GPR158: variants seen among roughly 807,000 people sequenced by gnomAD.
GPR158 encodes metabotropic glycine receptor.
In GPR158, 30 loss-of-function variants were observed where a neutral mutation model predicts 78.2. The observed-to-expected ratio is 0.38, with a 90% CI of 0.29 to 0.52. GPR158 has a LOEUF of 0.52. Ranked by LOEUF, GPR158 falls within the 20% of genes least tolerant of loss-of-function variation. GPR158 has a pLI of 0.83. For synonymous variants in GPR158, 581 were observed against 591.1 expected (o/e 0.98, Z 0.25); for missense variants, 1,463 against 1,523.5 (o/e 0.96, Z 0.66).
intron 2 of GPR158, among the ~76,000 whole-genome samples, 160 bp from the exon 3 acceptor site, chr10:25,395,751 A>T (rs1279638344): frequency 1.3e-5 from 2 of 152,220 alleles, no homozygotes; most frequent in East Asian, 1.9e-4. Context: ...TCTAAAAAAA[A>T]TTGTTGGCAC....
At chr10:25,456,968 A>G (rs1835299370) in intron 4 of GPR158, among the ~76,000 whole-genome samples, 1 of 151,666 alleles carries the variant, frequency 6.6e-6, no homozygotes, top group African/African-American at 2.4e-5. Flanking sequence ...TTTGAAAAAT[A>G]ATGTTAATAG....
At chr10:25,241,275 T>TCTTTCCTTTCTTTC (rs1554787182) in intron 2 of GPR158, among the ~76,000 whole-genome samples, 1 of 91,796 alleles carries the variant, frequency 1.1e-5, no homozygotes, top group Non-Finnish European at 2.2e-5. Flanking sequence ...TTCTTTCCTT[T>TCTTTCCTTTCTTTC]CTTTCTTTCT....
At position 25,598,422 on chromosome 10, in the gene GPR158, G is replaced by A. The variant is rs774614967; in HGVS notation, c.2796G>A (p.Gln932=). 8.1e-6 allele frequency: 13 copies of A among 1,614,074 alleles called. No homozygotes were observed. The South Asian group carries it at 1.4e-4, about 18-fold the overall frequency. The part of the protein sequence containing the change: ...TAGVEERTKS[Q]KPLPKDKETN... ...GTGTGGAAGAACGCACTAAATCCCAGAAACCTTTGCCAAAAGATAAAGAGA... is the reference window on the plus strand; with the variant it reads ...GTGTGGAAGAACGCACTAAATCCCAAAAACCTTTGCCAAAAGATAAAGAGA... The change falls in exon 11 of 11, where the codon CAG becomes CAA. Residue 932 remains glutamine, a synonymous_variant. Coordinates refer to ENST00000376351, the MANE Select transcript of GPR158 (RefSeq NM_020752.3).
intron 1 of GPR158, among the ~76,000 whole-genome samples, chr10:25,204,969 ATGGGGG>A (rs1019227360): frequency 6.6e-6 from 1 of 152,006 alleles, no homozygotes; most frequent in African/African-American, 2.4e-5. Context: ...TAATTGAATC[ATGGGGG>A]TGGCTTCCCC....
chr10:25,358,805 A>T (rs1394244602), intron 2 of GPR158, among the ~76,000 whole-genome samples: 1 of 152,128 alleles, frequency 6.6e-6, no homozygotes, highest in Admixed American at 6.6e-5. Context: ...TTCTAATTTC[A>T]TTCCATTTTA....
At chr10:25,301,810 T>G (rs1333039861) in intron 2 of GPR158, among the ~76,000 whole-genome samples, 1 of 145,984 alleles carries the variant, frequency 6.9e-6, no homozygotes, top group Non-Finnish European at 1.5e-5. Context: ...GATATATGCC[T>G]GTGTTACCAC....
chr10:25,402,276 G>A (rs145622910), intron 3 of GPR158, among the ~76,000 whole-genome samples: 51 of 152,114 alleles, frequency 3.4e-4, no homozygotes, highest in Middle Eastern at 3.4e-3. Flanking sequence ...TCTCAAAGTC[G>A]AAAAGAACAA....
In GPR158 at chr10:25,374,732, G is replaced by T. The variant is rs967174469; in HGVS notation, c.1009-21179G>T. 2.0e-5 allele frequency among the ~76,000 whole-genome samples: 3 copies of T among 151,682 alleles called. No individual in the cohort carries two copies. The Admixed American group carries it at 2.0e-4, about 10-fold the overall frequency. On this transcript the variant is annotated intron_variant, in intron 2 of 10. Coordinates refer to ENST00000376351, the MANE Select transcript of GPR158 (RefSeq NM_020752.3). ...AAGTTGTTGTGTGTATCAATCGTGT[G>T]TTCCTTTTTTATTACTATGTAGTAT... is the stretch of plus-strand genomic sequence containing the variant.
intron 2 of GPR158, among the ~76,000 whole-genome samples, chr10:25,307,560 T>G (rs1278883452): frequency 2.6e-5 from 4 of 151,896 alleles, no homozygotes; most frequent in Non-Finnish European, 5.9e-5. Context: ...ATTTTTTAAT[T>G]TTTTTTATTT....
At chr10:25,544,554 A>G (rs1398226206) in intron 5 of GPR158, among the ~76,000 whole-genome samples, 2 of 152,178 alleles carry the variant, frequency 1.3e-5, no homozygotes, top group African/African-American at 2.4e-5. Flanking sequence ...GTACATAAAA[A>G]TGATAGCTAT....
chr10:25,390,042 C>T (rs938253700), intron 2 of GPR158, among the ~76,000 whole-genome samples: 1 of 152,170 alleles, frequency 6.6e-6, no homozygotes, highest in Admixed American at 6.5e-5. Flanking sequence ...TTCGCATGCT[C>T]TCTTGTCTGC....
chr10:25,204,771 A>G (rs1441235904), intron 1 of GPR158, among the ~76,000 whole-genome samples: 8 of 148,036 alleles, frequency 5.4e-5, no homozygotes, highest in Admixed American at 4.7e-4. Context: ...TTAAAAAATA[A>G]GTTTCCTAGT....
At position 25,598,258 on chromosome 10, in the gene GPR158, A is replaced by G; in HGVS notation, c.2632A>G (p.Lys878Glu). ...CACGGAGTCGGTGCCGTTGGTGTGC[A>G]AGTCAGCAAGCGCTCACAACCTCAG... is the stretch of plus-strand genomic sequence containing the variant. ...ESTESVPLVC[K>E]SASAHNLSSE... The change falls in exon 11 of 11, where the codon AAG becomes GAG. Residue 878 changes from lysine (K) to glutamate (E), a missense_variant. By Grantham distance (56) the Lys-to-Glu change is moderately conservative. Transcript: ENST00000376351. The G allele has an allele frequency of 6.2e-7, 1 of 1,614,128 alleles. No individual in the cohort carries two copies. The highest frequency in any genetic ancestry group is 1.1e-5 in the South Asian group (1 of 91,076).
chr10:25,337,921 G>A (rs1190951206), intron 2 of GPR158, among the ~76,000 whole-genome samples: 1 of 151,878 alleles, frequency 6.6e-6, no homozygotes. Flanking sequence ...TGGTCATTTG[G>A]ACATCCTTTT....
chr10:25,433,547 TTGTGTG>T (rs1554803583), intron 4 of GPR158, among the ~76,000 whole-genome samples: 5 of 96,462 alleles, frequency 5.2e-5, no homozygotes, highest in South Asian at 6.5e-4. Context: ...TGTGTGTGTG[TTGTGTG>T]TGTGTGTGTG....
At chr10:25,493,582 T>C (rs1835839783) in intron 5 of GPR158, among the ~76,000 whole-genome samples, 1 of 152,168 alleles carries the variant, frequency 6.6e-6, no homozygotes, top group African/African-American at 2.4e-5. Context: ...CCTAGACTTT[T>C]TAGATGGATA....
At chr10:25,338,554 A>ACGTAATAT (rs1215655098) in intron 2 of GPR158, among the ~76,000 whole-genome samples, 1 of 54,536 alleles carries the variant, frequency 1.8e-5, no homozygotes, top group Non-Finnish European at 9.7e-5. Context: ...CGTAATATAT[A>ACGTAATAT]ATACGTATTG....
At chr10:25,482,322 A>G (rs824606) in intron 5 of GPR158, among the ~76,000 whole-genome samples, 104,209 of 151,890 alleles carry the variant, frequency 0.69, 36,197 homozygotes, top group East Asian at 0.99. Context: ...TAGCTGGAAC[A>G]ATAGGTGTAT....
intron 2 of GPR158, among the ~76,000 whole-genome samples, chr10:25,227,770 C>T (rs1853394040): frequency 6.6e-6 from 1 of 152,084 alleles, no homozygotes; most frequent in Non-Finnish European, 1.5e-5. Context: ...TTGACTTTAA[C>T]TTTTTTATGT....
Sources: allele counts gnomAD v4.1 joint callset (sites outside exome capture counted in the v4.1 genomes callset), GRCh38; gene constraint gnomAD v4.1.1; transcripts MANE v1.5; gene names NCBI Gene and HGNC (gene_info 2026-07-23, HGNC 2026-07-21).